PNLDC1: variants seen among roughly 807,000 people sequenced by gnomAD.
PNLDC1 encodes the protein poly(A)-specific ribonuclease PNLDC1.
PNLDC1 carries 70 observed loss-of-function variants against 82.0 expected under a neutral mutation model. That is an observed-to-expected ratio of 0.85 (90% CI 0.70 to 1.04). The LOEUF (loss-of-function observed/expected upper bound fraction) is 1.04. Among genes scored for constraint, PNLDC1 ranks in the 50% least tolerant of loss-of-function variants. PNLDC1 has a pLI of 0.00. For missense variants in PNLDC1, 631 were observed against 661.1 expected (o/e 0.95, Z 0.50); for synonymous variants, 280 against 249.3 (o/e 1.12, Z -1.16).
intron 10 of PNLDC1, among the ~76,000 whole-genome samples, 188 bp from the exon 11 acceptor site, chr6:159,811,513 A>C (rs926717452): frequency 6.6e-6 from 1 of 152,238 alleles, no homozygotes; most frequent in African/African-American, 2.4e-5. Flanking sequence ...TACTATTAAA[A>C]GTGGTGATGG....
Position 159,816,012 on chromosome 6 carries a change from G to C in PNLDC1, c.1039G>C (p.Ala347Pro), listed in dbSNP as rs137878641. 2 of 1,613,002 alleles carry C rather than the reference G, an allele frequency of 1.2e-6. No homozygotes were observed. Among genetic ancestry groups the C allele is most frequent in the Admixed American group, 3.3e-5 (2 of 59,942 alleles). Residue 347 changes from alanine (A) to proline (P), a missense_variant, in exon 13 of 19, where the codon GCG becomes CCG. Physicochemically the swap from Ala to Pro is conservative, Grantham distance 27. Transcript: ENST00000392167. ...GAATTCTGGACCAGAGATTGTTCAC[G>C]CGAGCAGGTGTGAGAAATATGGTAC... Reference protein sequence around the residue: ...TKNSGPEIVHASRCEKYVETK... With the variant: ...TKNSGPEIVHPSRCEKYVETK...
chr6:159,805,447 G>A (rs985895185), intron 6 of PNLDC1, among the ~76,000 whole-genome samples: 5 of 152,146 alleles, frequency 3.3e-5, no homozygotes, highest in African/African-American at 1.2e-4. Context: ...TTGTCTCTTT[G>A]TATTTTTCCT....
intron 15 of PNLDC1, 128 bp downstream of exon 15, chr6:159,817,279 T>A: frequency 2.2e-6 from 2 of 893,302 alleles, no homozygotes. Flanking sequence ...GTGTCACTGG[T>A]ATAGAAATCT....
At chr6:159,816,117 C>CCCACACCCTCCCCACCCACCCG in intron 13 of PNLDC1, 84 bp downstream of exon 13, 1 of 1,028,542 alleles carries the variant, frequency 9.7e-7, no homozygotes, top group Non-Finnish European at 1.4e-6. Context: ...CCCTGGTTCC[C>CCCACACCCTCCCCACCCACCCG]CCACACCCCT....
chr6:159,815,316 A>T (rs953872924), intron 12 of PNLDC1, among the ~76,000 whole-genome samples: 2 of 152,144 alleles, frequency 1.3e-5, no homozygotes, highest in Admixed American at 1.3e-4. Context: ...GATGATCTAG[A>T]ATGTGAATTT....
intron 3 of PNLDC1, among the ~76,000 whole-genome samples, chr6:159,801,822 T>G (rs1781268671): frequency 6.6e-6 from 1 of 152,158 alleles, no homozygotes; most frequent in East Asian, 1.9e-4. Context: ...AGAAACTTTT[T>G]TTTTTTCCTT....
chr6:159,805,775 C>G (rs931237620), intron 6 of PNLDC1: 5 of 553,440 alleles, frequency 9.0e-6, no homozygotes, highest in Non-Finnish European at 1.6e-5. Context: ...TGCCTGGATC[C>G]TATGGAAGGT....
intron 6 of PNLDC1, 117 bp from the exon 7 acceptor site, chr6:159,805,866 C>A (rs1781428373): frequency 2.7e-6 from 2 of 735,624 alleles, no homozygotes; most frequent in Non-Finnish European, 4.9e-6. Context: ...GGTACATTTT[C>A]TTTGTATATT....
chr6:159,819,438 A>C lies in PNLDC1; in HGVS notation c.1532+86A>C. 8.4e-7 allele frequency: 1 copy of C among 1,187,080 alleles called. No homozygotes were observed. The highest frequency in any genetic ancestry group is 1.2e-6 in the Non-Finnish European group (1 of 835,434). The allele number at this position is 1,187,080 out of a possible 1,614,324, so 73.5% of individuals were successfully genotyped here. The stretch of plus-strand genomic sequence containing the variant: ...CATCCCAGCATGGTCTGACTCGAGC[A>C]CAGCTCACTTGCTGGTGTGTGTTGC... On this transcript the variant is annotated intron_variant, in intron 18 of 18. Coordinates refer to ENST00000392167, the MANE Select transcript of PNLDC1 (RefSeq NM_001271862.2). This position sits in a 1 kb window ranked among gnomAD's most constrained non-coding sequence, Gnocchi z 4.6.
In PNLDC1 at chr6:159,819,813, C is replaced by CA. The variant is rs1781976009; in HGVS notation, c.1532+462dup. Among the ~76,000 whole-genome samples the CA allele has an allele frequency of 1.3e-5, 2 of 151,792 alleles. No individual in the cohort carries two copies. Among genetic ancestry groups the CA allele is most frequent in the Non-Finnish European group, 2.9e-5 (2 of 67,988 alleles). ...TCCAGTCAGGAGGTGCCCGGAGTGT[C>CA]ACGGGGAGAGGCCATTGTGAGCAAA... On this transcript the variant is annotated intron_variant, in intron 18 of 18. Transcript: ENST00000392167. This position sits in a 1 kb window ranked among gnomAD's most constrained non-coding sequence, Gnocchi z 4.6.
chr6:159,811,328 G>T lies in PNLDC1; in HGVS notation c.854-373G>T, dbSNP rs553680922. On this transcript the variant is annotated intron_variant, in intron 10 of 18. Coordinates refer to ENST00000392167, the MANE Select transcript of PNLDC1 (RefSeq NM_001271862.2). ...GGACACTTTACTAGTTATAATTTTTGATTTTTTTTCTTGGATTTTTCTCTG... is the reference window on the plus strand; with the variant it reads ...GGACACTTTACTAGTTATAATTTTTTATTTTTTTTCTTGGATTTTTCTCTG... 5.3e-5 allele frequency among the ~76,000 whole-genome samples: 8 copies of T among 152,164 alleles called. No individual in the cohort carries two copies. In the East Asian group the frequency reaches 9.7e-4, roughly 18 times the overall value.
rs749089525 is a variant in PNLDC1 at position 159,803,991 on chromosome 6, A to G, written c.275A>G (p.Tyr92Cys). 4 of 1,613,414 alleles carry G rather than the reference A, an allele frequency of 2.5e-6. No homozygotes were observed. The highest frequency in any genetic ancestry group is 1.1e-5 in the South Asian group (1 of 91,046). ...TATATAGCCCATTCTTGTAACTTCTATCTCTTCCCTACAACGTTTGGGATT... is the reference window on the plus strand; with the variant it reads ...TATATAGCCCATTCTTGTAACTTCTGTCTCTTCCCTACAACGTTTGGGATT... ...NKYIAHSCNF[Y>C]LFPTTFGILD... The change falls in exon 5 of 19, where the codon TAT becomes TGT. Residue 92 changes from tyrosine (Y) to cysteine (C), a missense_variant. Transcript: ENST00000392167.
chr6:159,815,751 C>T (rs1048011007), intron 12 of PNLDC1, among the ~76,000 whole-genome samples: 6 of 152,090 alleles, frequency 3.9e-5, no homozygotes, highest in African/African-American at 1.4e-4. Flanking sequence ...TTGATAAATG[C>T]CTGGAGTAAC....
chr6:159,819,387 G>C lies in PNLDC1; in HGVS notation c.1532+35G>C. 2 of 1,590,306 alleles carry C rather than the reference G, an allele frequency of 1.3e-6. No homozygotes were observed. Among genetic ancestry groups the C allele is most frequent in the Non-Finnish European group, 1.7e-6 (2 of 1,163,672 alleles). On this transcript the variant is annotated intron_variant, in intron 18 of 18. Coordinates refer to ENST00000392167, the MANE Select transcript of PNLDC1 (RefSeq NM_001271862.2). The surrounding 1 kb of genome is among the most constrained non-coding windows in gnomAD (Gnocchi z 4.6). ...AGGCTGAGGCCACCTGCCTGTCCTG[G>C]GGTCCTGGAGTGCCCGGGGTCCCAG...
intron 12 of PNLDC1, among the ~76,000 whole-genome samples, chr6:159,814,700 G>C (rs1781758092): frequency 6.6e-6 from 1 of 152,182 alleles, no homozygotes; most frequent in Admixed American, 6.5e-5. Flanking sequence ...GGCTTCCTGG[G>C]TTTAAATCCC....
chr6:159,807,064 T>G (rs1479303361), intron 7 of PNLDC1, among the ~76,000 whole-genome samples: 2 of 152,130 alleles, frequency 1.3e-5, no homozygotes, highest in Non-Finnish European at 2.9e-5. Flanking sequence ...GGCTAATTTT[T>G]GCATTTTTAG....
At chr6:159,815,577 C>T (rs1335876725) in intron 12 of PNLDC1, among the ~76,000 whole-genome samples, 2 of 152,218 alleles carry the variant, frequency 1.3e-5, no homozygotes, top group Non-Finnish European at 2.9e-5. Flanking sequence ...TGCTGTCTGC[C>T]TCCAGAAGCC....
chr6:159,804,495 G>C (rs565237285), intron 5 of PNLDC1, 54 bp from the exon 6 acceptor site: 1 of 1,230,694 alleles, frequency 8.1e-7, no homozygotes, highest in South Asian at 1.2e-5. Context: ...CAGGCACAGA[G>C]GATCCCTCTG....
At chr6:159,800,972 C>T (rs925461180) in intron 2 of PNLDC1, 141 bp from the exon 3 acceptor site, 1 of 1,439,980 alleles carries the variant, frequency 6.9e-7, no homozygotes, top group Non-Finnish European at 9.7e-7. Context: ...TTTTTCTGTC[C>T]ACTAAATGAT....
Sources: gnomAD v4.1 joint callset for allele counts (sites outside exome capture counted in the v4.1 genomes callset) on GRCh38, gnomAD v4.1.1 for gene constraint, Gnocchi (gnomAD v3.1) non-coding constraint, MANE v1.5 for transcripts, NCBI Gene and HGNC (gene_info 2026-07-23, HGNC 2026-07-21) for gene names.